USP32: variants seen among roughly 807,000 people sequenced by gnomAD.
USP32 encodes ubiquitin specific peptidase 32, also known as ubiquitin carboxyl-terminal hydrolase 32.
Under a neutral mutation model 204.8 loss-of-function variants are expected in USP32, and 59 were observed. The observed-to-expected ratio is 0.29, with a 90% CI of 0.23 to 0.36. The LOEUF (loss-of-function observed/expected upper bound fraction) is 0.36, where lower values mean the gene tolerates loss of function less well. Among genes scored for constraint, USP32 ranks in the 10% least tolerant of loss-of-function variants. The pLI is 1.00. For missense variants in USP32, 1,160 were observed against 1,946.4 expected, an observed-to-expected ratio of 0.60 and a Z score of 7.60; for synonymous variants, 517 against 678.4, an observed-to-expected ratio of 0.76 and a Z score of 3.70.
Position 60,183,227 on chromosome 17 carries a change from T to C in USP32, c.4061A>G (p.Glu1354Gly). 1 of 1,614,036 alleles carries C rather than the reference T, an allele frequency of 6.2e-7. No individual in the cohort carries two copies. The highest frequency in any genetic ancestry group is 2.2e-5 in the East Asian group (1 of 44,886). The change falls in exon 31 of 34, where the codon GAG (glutamate) becomes GGG (glycine). Residue 1354 changes from glutamate to glycine, a missense_variant. By Grantham distance (98) the Glu-to-Gly change is moderately conservative. Coordinates refer to ENST00000300896, the MANE Select transcript of USP32 (RefSeq NM_032582.4). ...KVDAQSSAGEEDVLLSKSPSS... is the reference protein window; with the variant it reads ...KVDAQSSAGEGDVLLSKSPSS... ...TGGGCTTTTGCTCAGGAGCACGTCC[T>C]CTTCCCCAGCCGAACTCTGCGCATC...
At chr17:60,391,788 G>C in intron 1 of USP32, 94 bp downstream of exon 1, 1 of 1,371,528 alleles carries the variant, frequency 7.3e-7, no homozygotes, top group Non-Finnish European at 9.9e-7. Context: ...GGCGCCCCAC[G>C]CCCTCAATCT....
rs574151821 is a variant in USP32, at chr17:60,420,706, C to T, written c.106+1540G>A. 2.0e-5 allele frequency among the ~76,000 whole-genome samples: 3 copies of T among 152,198 alleles called. No homozygotes were observed. The East Asian group carries it at 5.8e-4, about 29-fold the overall frequency. The stretch of plus-strand genomic sequence containing the variant: ...ACAAACAAACAAAAAAACCTCTTTC[C>T]TGACTGTAAAAGTAAAGCATAATTG... On this transcript the variant is annotated intron_variant, in intron 1 of 3. Coordinates refer to the USP32 transcript ENST00000588898.
chr17:60,226,733 G>A (rs761137621), intron 12 of USP32, among the ~76,000 whole-genome samples: 2 of 152,102 alleles, frequency 1.3e-5, no homozygotes, highest in Non-Finnish European at 2.9e-5. Context: ...AGTGGTGTAT[G>A]TACATAGAGT....
chr17:60,193,403 G>C (rs2084435043), intron 27 of USP32, among the ~76,000 whole-genome samples: 1 of 152,106 alleles, frequency 6.6e-6, no homozygotes, highest in Admixed American at 6.5e-5. Flanking sequence ...TAACTACTCA[G>C]AGTTATAAGC....
At chr17:60,208,281 A>T (rs2084880498) in intron 23 of USP32, 71 bp from the exon 24 acceptor site, 5 of 1,441,072 alleles carry the variant, frequency 3.5e-6, no homozygotes, top group Non-Finnish European at 3.7e-6. Context: ...CTGTGTACAG[A>T]TATATCTGAC....
intron 2 of USP32, among the ~76,000 whole-genome samples, chr17:60,307,962 C>A (rs1329581307): frequency 6.6e-6 from 1 of 152,206 alleles, no homozygotes; most frequent in Admixed American, 6.5e-5. Flanking sequence ...CAGATGCCGG[C>A]AGGCCACTGA....
At chr17:60,182,308 G>A (rs1598023904) in intron 31 of USP32, among the ~76,000 whole-genome samples, 2 of 152,018 alleles carry the variant, frequency 1.3e-5, no homozygotes, top group Admixed American at 6.6e-5. Flanking sequence ...AATATTTCCC[G>A]TATTAGAAAT....
intron 2 of USP32, among the ~76,000 whole-genome samples, chr17:60,341,911 C>T (rs1040120479): frequency 2.0e-5 from 3 of 152,208 alleles, no homozygotes; most frequent in African/African-American, 2.4e-5. Context: ...TCTGTCAACT[C>T]GTCAAGTGAT....
At chr17:60,222,806 C>A (rs190585486) in intron 14 of USP32, among the ~76,000 whole-genome samples, 3 of 151,484 alleles carry the variant, frequency 2.0e-5, no homozygotes, top group African/African-American at 7.3e-5. Context: ...CTCAGCCTCC[C>A]GAGTATCTGG....
In USP32 at chr17:60,387,382, C is replaced by CT. The variant is rs1305715173; in HGVS notation, c.58+4499dup. Among the ~76,000 whole-genome samples, 5 of 152,224 alleles carry CT rather than the reference C, an allele frequency of 3.3e-5. No individual in the cohort carries two copies. In the East Asian group the frequency reaches 9.6e-4, roughly 29 times the overall value. On this transcript the variant is annotated intron_variant, in intron 1 of 33. Coordinates refer to ENST00000300896, the MANE Select transcript of USP32 (RefSeq NM_032582.4). ...CTATAAGTGACTAGGAAATTAAATC[C>CT]TTTAACACTCAATTATTGAGCATAT... is the stretch of plus-strand genomic sequence containing the variant.
intron 29 of USP32, 166 bp from the exon 30 acceptor site, chr17:60,185,817 T>C: frequency 1.3e-6 from 1 of 769,860 alleles, no homozygotes; most frequent in Non-Finnish European, 1.9e-6. Flanking sequence ...ATCCCAGCAC[T>C]TTAGGAGGCC....
intron 3 of USP32, among the ~76,000 whole-genome samples, chr17:60,298,406 T>A (rs1041896069): frequency 3.9e-5 from 6 of 152,174 alleles, no homozygotes; most frequent in East Asian, 3.8e-4. Flanking sequence ...TTTATAGATA[T>A]CATAATTTTT....
intron 1 of USP32, among the ~76,000 whole-genome samples, chr17:60,413,944 A>G (rs1219989976): frequency 6.6e-6 from 1 of 151,294 alleles, no homozygotes; most frequent in African/African-American, 2.4e-5. Flanking sequence ...GCTCCTCAGG[A>G]AGAAATTTTT....
At chr17:60,193,004 T>C in intron 27 of USP32, 74 bp from the exon 28 acceptor site, 2 of 1,515,892 alleles carry the variant, frequency 1.3e-6, no homozygotes, top group Non-Finnish European at 1.8e-6. Context: ...CATCTTCTCT[T>C]GAAGTAACCC....
intron 27 of USP32, among the ~76,000 whole-genome samples, chr17:60,193,164 T>C (rs1276187979): frequency 6.6e-6 from 1 of 152,254 alleles, no homozygotes; most frequent in Admixed American, 6.5e-5. Flanking sequence ...GACTGCCAGA[T>C]GTCTCTAAGG....
At chr17:60,234,645 G>A (rs1048786811) in intron 12 of USP32, among the ~76,000 whole-genome samples, 1 of 151,720 alleles carries the variant, frequency 6.6e-6, no homozygotes. Flanking sequence ...CAGAAGAATG[G>A]CGTGAACCTG....
At chr17:60,202,254 C>A (rs1201021168) in intron 26 of USP32, among the ~76,000 whole-genome samples, 2 of 152,152 alleles carry the variant, frequency 1.3e-5, no homozygotes, top group East Asian at 3.8e-4. Flanking sequence ...TCTATTCTAT[C>A]CCAATGGTCT....
intron 11 of USP32, among the ~76,000 whole-genome samples, chr17:60,246,117 C>T (rs995678946): frequency 6.6e-6 from 1 of 151,786 alleles, no homozygotes; most frequent in Non-Finnish European, 1.5e-5. Flanking sequence ...CACTAGAAGT[C>T]ATTCATTCTA....
intron 31 of USP32, among the ~76,000 whole-genome samples, 174 bp downstream of exon 31, chr17:60,182,991 T>C (rs553919128): frequency 6.6e-6 from 1 of 152,280 alleles, no homozygotes; most frequent in African/African-American, 2.4e-5. Flanking sequence ...AGAAAATAGA[T>C]TCAGGGAGGC....
Sources: allele counts gnomAD v4.1 joint callset (sites outside exome capture counted in the v4.1 genomes callset), GRCh38; gene constraint gnomAD v4.1.1; transcripts MANE v1.5; gene names NCBI Gene and HGNC (gene_info 2026-07-23, HGNC 2026-07-21).